The following MNAT1 variants were observed in gnomAD, a reference collection of about 807,000 sequenced individuals.
The protein encoded by MNAT1 is MNAT1 component of CDK activating kinase.
In MNAT1, 43 loss-of-function variants were observed where a neutral mutation model predicts 42.0. The ratio of observed to expected loss-of-function variants is 1.02; its 90% CI spans 0.80 to 1.32. The LOEUF is 1.32. Ranked by LOEUF, MNAT1 falls within the 40% of genes most tolerant of loss-of-function variation. The pLI, the probability that MNAT1 is intolerant of heterozygous loss-of-function variation, is 0.00. For synonymous variants in MNAT1, 118 were observed against 120.0 expected, an observed-to-expected ratio of 0.98 and a Z score of 0.11; for missense variants, 306 against 350.4, an observed-to-expected ratio of 0.87 and a Z score of 1.01.
At chr14:60,757,448 T>C (rs1273738165) in intron 1 of MNAT1, among the ~76,000 whole-genome samples, 1 of 152,160 alleles carries the variant, frequency 6.6e-6, no homozygotes, top group Non-Finnish European at 1.5e-5. Context: ...TGGTCATCAA[T>C]TGAGACACTG....
chr14:60,929,148 C>CA (rs550828218), intron 7 of MNAT1, among the ~76,000 whole-genome samples: 4 of 56,082 alleles, frequency 7.1e-5, no homozygotes, highest in African/African-American at 2.7e-4. Flanking sequence ...CTCCATCTCC[C>CA]AAAAAAAAAA....
chr14:60,878,012 A>G (rs1005347141), intron 6 of MNAT1, among the ~76,000 whole-genome samples: 5 of 152,110 alleles, frequency 3.3e-5, no homozygotes, highest in African/African-American at 4.8e-5. Context: ...ATGTGGCACA[A>G]CTTTGCAGAG....
intron 1 of MNAT1, among the ~76,000 whole-genome samples, chr14:60,781,495 G>C (rs1329802979): frequency 6.6e-6 from 1 of 152,006 alleles, no homozygotes; most frequent in Non-Finnish European, 1.5e-5. Flanking sequence ...GTTGTTTTTA[G>C]AGATGATGGG....
At chr14:60,819,209 C>T (rs1480282849) in intron 6 of MNAT1, among the ~76,000 whole-genome samples, 1 of 151,982 alleles carries the variant, frequency 6.6e-6, no homozygotes, top group African/African-American at 2.4e-5. Flanking sequence ...TCTAAACAGT[C>T]TTCTTCACAT....
intron 6 of MNAT1, among the ~76,000 whole-genome samples, chr14:60,854,354 T>C (rs772504607): frequency 6.6e-6 from 1 of 152,022 alleles, no homozygotes; most frequent in African/African-American, 2.4e-5. Flanking sequence ...TTGAGAGGAG[T>C]TGTAATCATT....
In MNAT1 at chr14:60,968,501, G is replaced by A. The variant is rs972559670; in HGVS notation, c.*152G>A. 3.4e-6 allele frequency: 5 copies of A among 1,489,972 alleles called. No homozygotes were observed. In the African/African-American group the frequency reaches 7.0e-5, roughly 21 times the overall value. 92.3% of individuals were successfully genotyped at this position (1,489,972 alleles called of 1,614,324 possible). On this transcript the variant is annotated 3_prime_UTR_variant, in exon 8 of 8. Coordinates refer to ENST00000261245, the MANE Select transcript of MNAT1 (RefSeq NM_002431.4). ...TATAAGGAGAAAATTTCAGAACTAA[G>A]TTGAGTAATATAGGGGATATATATT...
chr14:60,826,467 C>T (rs920770768), intron 6 of MNAT1, among the ~76,000 whole-genome samples: 1 of 151,862 alleles, frequency 6.6e-6, no homozygotes, highest in South Asian at 2.1e-4. Context: ...CAGGTGCATG[C>T]CACCATGCCC....
intron 7 of MNAT1, among the ~76,000 whole-genome samples, chr14:60,914,472 C>G (rs2035467657): frequency 6.6e-6 from 1 of 151,910 alleles, no homozygotes; most frequent in African/African-American, 2.4e-5. Flanking sequence ...GGCTCCCCAG[C>G]TTTGAATGGT....
intron 6 of MNAT1, among the ~76,000 whole-genome samples, chr14:60,860,428 C>G (rs2034068973): frequency 1.4e-5 from 2 of 146,212 alleles, no homozygotes; most frequent in South Asian, 4.3e-4. Context: ...TCTCTGCTCA[C>G]TGCAAGCTCC....
At chr14:60,952,356 C>A (rs1481325601) in intron 7 of MNAT1, among the ~76,000 whole-genome samples, 1 of 152,050 alleles carries the variant, frequency 6.6e-6, no homozygotes, top group Non-Finnish European at 1.5e-5. Context: ...CAGAGCTTTG[C>A]TCTAAGAAGA....
intron 1 of MNAT1, among the ~76,000 whole-genome samples, chr14:60,759,709 T>C (rs4902001): frequency 0.87 from 131,661 of 152,168 alleles, 58,705 homozygotes; most frequent in Non-Finnish European, 0.98. Context: ...CCATACTATT[T>C]ATTGCAGGTA....
intron 7 of MNAT1, among the ~76,000 whole-genome samples, chr14:60,949,600 A>G (rs1374574867): frequency 6.6e-6 from 1 of 152,216 alleles, no homozygotes; most frequent in East Asian, 1.9e-4. Flanking sequence ...GCAAAACAGA[A>G]TACTGAAAAT....
intron 1 of MNAT1, among the ~76,000 whole-genome samples, chr14:60,757,382 AT>A (rs1056019836): frequency 4.0e-5 from 6 of 150,760 alleles, no homozygotes; most frequent in East Asian, 3.9e-4. Flanking sequence ...ATTTTAGTGC[AT>A]TTTTTTTTAT....
chr14:60,779,515 G>A (rs186828013), intron 1 of MNAT1, among the ~76,000 whole-genome samples: 12 of 152,214 alleles, frequency 7.9e-5, no homozygotes, highest in Admixed American at 5.2e-4. Flanking sequence ...CCGGCTGGGC[G>A]CGGTGGCCCA....
At chr14:60,750,529 CTTTTTTTTT>C (rs775053270) in intron 1 of MNAT1, among the ~76,000 whole-genome samples, 3 of 90,680 alleles carry the variant, frequency 3.3e-5, no homozygotes, top group East Asian at 5.9e-4. Flanking sequence ...TGCGCCCAGC[CTTTTTTTTT>C]TTTTTTTTTT....
At chr14:60,962,268 C>A (rs2036607297) in intron 7 of MNAT1, among the ~76,000 whole-genome samples, 1 of 152,128 alleles carries the variant, frequency 6.6e-6, no homozygotes, top group African/African-American at 2.4e-5. Context: ...AAATAAACAT[C>A]TGACTTGGAA....
intron 7 of MNAT1, among the ~76,000 whole-genome samples, chr14:60,885,548 A>C (rs2034647378): frequency 6.6e-6 from 1 of 151,922 alleles, no homozygotes; most frequent in Non-Finnish European, 1.5e-5. Flanking sequence ...GGCCATTCAT[A>C]TGTTATCTTT....
chr14:60,887,502 C>T (rs186094053), intron 7 of MNAT1, among the ~76,000 whole-genome samples: 18 of 148,238 alleles, frequency 1.2e-4, no homozygotes, highest in Non-Finnish European at 2.5e-4. Flanking sequence ...TTTGTCCTTG[C>T]GATAGTTTAC....
intron 6 of MNAT1, among the ~76,000 whole-genome samples, chr14:60,872,590 T>C (rs1036213332): frequency 1.3e-5 from 2 of 152,120 alleles, no homozygotes; most frequent in Non-Finnish European, 2.9e-5. Context: ...ATCACTAAAA[T>C]AGCTACCGAC....
Sources: allele counts gnomAD v4.1 joint callset (sites outside exome capture counted in the v4.1 genomes callset), GRCh38; gene constraint gnomAD v4.1.1; transcripts MANE v1.5; gene names NCBI Gene and HGNC (gene_info 2026-07-23, HGNC 2026-07-21).